The following CADPS2 variants were observed in gnomAD, a reference collection of about 807,000 sequenced individuals.
CADPS2 encodes calcium-dependent secretion activator 2.
In CADPS2, 93 loss-of-function variants were observed where a neutral mutation model predicts 172.5. That is an observed-to-expected ratio of 0.54 (90% CI 0.46 to 0.64). CADPS2 has a LOEUF of 0.64. CADPS2 is among the 30% of genes least tolerant of loss of function. The pLI, the probability that CADPS2 is intolerant of heterozygous loss-of-function variation, is 0.00. For missense variants in CADPS2, 1,420 were observed against 1,565.9 expected, an observed-to-expected ratio of 0.91 and a Z score of 1.57; for synonymous variants, 546 against 555.2, an observed-to-expected ratio of 0.98 and a Z score of 0.23.
chr7:122,805,200 G>A (rs1238273488), intron 1 of CADPS2, among the ~76,000 whole-genome samples: 2 of 151,952 alleles, frequency 1.3e-5, no homozygotes, highest in African/African-American at 4.8e-5. Context: ...TTGCTCTGTC[G>A]CCAGGCTGGA....
chr7:122,423,520 T>C (rs2151829784), intron 17 of CADPS2, among the ~76,000 whole-genome samples: 1 of 152,322 alleles, frequency 6.6e-6, no homozygotes, highest in South Asian at 2.1e-4. Context: ...AAGTGGCCTA[T>C]AATTGCTCCA....
intron 8 of CADPS2, among the ~76,000 whole-genome samples, chr7:122,532,616 T>G (rs2061875829): frequency 7.3e-6 from 1 of 137,248 alleles, no homozygotes; most frequent in South Asian, 2.4e-4. Flanking sequence ...CATGTTCAAG[T>G]TCTCAGGTGA....
At chr7:122,601,076 T>C (rs910322788) in intron 6 of CADPS2, among the ~76,000 whole-genome samples, 1 of 152,066 alleles carries the variant, frequency 6.6e-6, no homozygotes, top group Admixed American at 6.6e-5. Flanking sequence ...TGCATAAATA[T>C]TGTATCACTT....
chr7:122,846,701 C>T (rs1218623672), intron 1 of CADPS2, among the ~76,000 whole-genome samples: 1 of 152,258 alleles, frequency 6.6e-6, no homozygotes, highest in South Asian at 2.1e-4. Flanking sequence ...ATAGGCTGAG[C>T]ACACAAAAAT....
At chr7:122,489,191 C>T (rs1159418393) in intron 11 of CADPS2, among the ~76,000 whole-genome samples, 1 of 152,130 alleles carries the variant, frequency 6.6e-6, no homozygotes, top group African/African-American at 2.4e-5. Context: ...TCATGGTTCA[C>T]ATTTAATTAT....
intron 1 of CADPS2, among the ~76,000 whole-genome samples, chr7:122,763,597 G>A (rs953478816): frequency 1.3e-5 from 2 of 152,030 alleles, no homozygotes; most frequent in Admixed American, 6.6e-5. Context: ...CAGTGTTAAG[G>A]GTCTTTGTCC....
chr7:122,794,768 C>T (rs1378070154), intron 1 of CADPS2, among the ~76,000 whole-genome samples: 1 of 146,740 alleles, frequency 6.8e-6, no homozygotes, highest in South Asian at 2.2e-4. Context: ...AAAAAAAAAA[C>T]CCTTTCTGAC....
intron 1 of CADPS2, among the ~76,000 whole-genome samples, chr7:122,857,628 C>G (rs141526496): frequency 6.6e-5 from 10 of 152,288 alleles, no homozygotes; most frequent in African/African-American, 2.4e-4. Flanking sequence ...ATTTCCTATT[C>G]AAACAAGTTT....
At chr7:122,607,010 C>T (rs76674935) in intron 6 of CADPS2, among the ~76,000 whole-genome samples, 6,478 of 151,826 alleles carry the variant, frequency 0.043, 147 homozygotes, top group South Asian at 0.1. Context: ...ATATGACAAA[C>T]GGCATTTGCT....
chr7:122,696,814 T>C (rs906809363), intron 2 of CADPS2, among the ~76,000 whole-genome samples: 18 of 152,312 alleles, frequency 1.2e-4, no homozygotes, highest in African/African-American at 4.1e-4. Flanking sequence ...GTTTTTCAAA[T>C]TAACACATAA....
chr7:122,744,067 G>A (rs542079480), intron 1 of CADPS2, among the ~76,000 whole-genome samples: 1 of 152,296 alleles, frequency 6.6e-6, no homozygotes, highest in South Asian at 2.1e-4. Context: ...GTATAGACAT[G>A]GTCAAATGAC....
intron 2 of CADPS2, among the ~76,000 whole-genome samples, chr7:122,714,961 A>G (rs67803746): frequency 0.072 from 11,009 of 152,202 alleles, 425 homozygotes; most frequent in South Asian, 0.17. Context: ...TCATACAGCT[A>G]TAAGTGGATG....
At chr7:122,832,717 G>GT (rs1371884400) in intron 1 of CADPS2, among the ~76,000 whole-genome samples, 1 of 152,066 alleles carries the variant, frequency 6.6e-6, no homozygotes, top group East Asian at 1.9e-4. Context: ...ATAAACTGAA[G>GT]TAATTCAAAA....
chr7:122,755,492 A>C (rs2093122363), intron 1 of CADPS2, among the ~76,000 whole-genome samples: 1 of 152,184 alleles, frequency 6.6e-6, no homozygotes, highest in East Asian at 1.9e-4. Flanking sequence ...ATATTGAAAG[A>C]GTATCAGTTG....
At chr7:122,551,050 T>A (rs2064217250) in intron 8 of CADPS2, among the ~76,000 whole-genome samples, 1 of 152,140 alleles carries the variant, frequency 6.6e-6, no homozygotes, top group South Asian at 2.1e-4. Context: ...CCTACTTAAA[T>A]AAACTATAAT....
At chr7:122,713,676 T>C (rs2089141294) in intron 2 of CADPS2, among the ~76,000 whole-genome samples, 1 of 151,886 alleles carries the variant, frequency 6.6e-6, no homozygotes, top group Non-Finnish European at 1.5e-5. Context: ...ATATAACATA[T>C]ATTCTTGAAG....
chr7:122,813,555 T>C (rs546181365), intron 1 of CADPS2, among the ~76,000 whole-genome samples: 4 of 152,242 alleles, frequency 2.6e-5, no homozygotes, highest in Admixed American at 6.5e-5. Flanking sequence ...TTTTTTATGC[T>C]GAGTCTTTCA....
In CADPS2 at chr7:122,364,522, C is replaced by T. The variant is rs1212267515; in HGVS notation, c.3388-3509G>A. ...TGGGTGGAACATGAGGTCAGGAGAT[C>T]GAGACCATCCTGGCTAACACAGTGA... On this transcript the variant is annotated intron_variant, in intron 25 of 29. Coordinates refer to ENST00000449022, the MANE Select transcript of CADPS2 (RefSeq NM_017954.11). Among the ~76,000 whole-genome samples, 6 of 150,642 alleles carry T rather than the reference C, an allele frequency of 4.0e-5. No individual in the cohort carries two copies. In the East Asian group the frequency reaches 5.9e-4, roughly 15 times the overall value.
At chr7:122,429,992 AC>A (rs1318056430) in intron 17 of CADPS2, among the ~76,000 whole-genome samples, 1 of 152,074 alleles carries the variant, frequency 6.6e-6, no homozygotes, top group African/African-American at 2.4e-5. Context: ...TTAAAACACC[AC>A]CCAGATGACA....
Sources: allele counts gnomAD v4.1 joint callset (sites outside exome capture counted in the v4.1 genomes callset), GRCh38; gene constraint gnomAD v4.1.1; transcripts MANE v1.5; gene names NCBI Gene and HGNC (gene_info 2026-07-23, HGNC 2026-07-21).